MYO9B: variants seen among roughly 807,000 people sequenced by gnomAD.
MYO9B encodes myosin IXB, also known as unconventional myosin-IXb.
MYO9B carries 71 observed loss-of-function variants against 229.5 expected under a neutral mutation model. The observed-to-expected ratio is 0.31, with a 90% CI of 0.26 to 0.38. The LOEUF is 0.38. Among genes scored for constraint, MYO9B ranks in the 10% least tolerant of loss-of-function variants. The pLI, the probability that MYO9B is intolerant of heterozygous loss-of-function variation, is 1.00. For synonymous variants in MYO9B, 1,185 were observed against 1,235.8 expected (o/e 0.96, Z 0.86); for missense variants, 2,255 against 2,920.5 (o/e 0.77, Z 5.25).
chr19:17,208,633 A>C (rs571051785), intron 35 of MYO9B, among the ~76,000 whole-genome samples: 81 of 152,060 alleles, frequency 5.3e-4, no homozygotes, highest in African/African-American at 1.9e-3. Flanking sequence ...AGGTTTCACT[A>C]TGTTAGCCAG....
intron 10 of MYO9B, among the ~76,000 whole-genome samples, chr19:17,165,089 T>C (rs2072644655): frequency 1.3e-5 from 2 of 152,144 alleles, no homozygotes; most frequent in Admixed American, 1.3e-4. Flanking sequence ...AGGCTGGTCC[T>C]GAACTCCTGG....
chr19:17,172,814 G>A lies in MYO9B; in HGVS notation c.1991G>A (p.Arg664Gln), dbSNP rs772454469. ...YMRPDIVALL[R>Q]GSDSSYVREL... ...CGGCCAGACATCGTGGCCCTGCTGCGGGGCAGTGACAGCTCCTACGTGCGG... is the reference window on the plus strand; with the variant it reads ...CGGCCAGACATCGTGGCCCTGCTGCAGGGCAGTGACAGCTCCTACGTGCGG... The change falls in exon 13 of 40, where the codon CGG (arginine) becomes CAG (glutamine). Residue 664 changes from arginine to glutamine, a missense_variant. Physicochemically the swap from Arg to Gln is conservative, Grantham distance 43. This residue lies in a region of MYO9B where 220 missense variants were observed against 404.5 expected (regional missense o/e 0.54). Coordinates refer to ENST00000682292, the MANE Select transcript of MYO9B (RefSeq NM_004145.4). The surrounding 1 kb of genome is among the most constrained non-coding windows in gnomAD (Gnocchi z 8.2). 6 of 1,613,046 alleles carry A rather than the reference G, an allele frequency of 3.7e-6. No homozygotes were observed. Among genetic ancestry groups the A allele is most frequent in the South Asian group, 1.1e-5 (1 of 91,090 alleles).
intron 2 of MYO9B, among the ~76,000 whole-genome samples, chr19:17,136,544 T>C (rs1427785672): frequency 6.6e-6 from 1 of 152,032 alleles, no homozygotes; most frequent in Non-Finnish European, 1.5e-5. Context: ...ACATCAATGC[T>C]CCGCAGCCGG....
chr19:17,096,859 C>T (rs969882667), intron 1 of MYO9B, among the ~76,000 whole-genome samples: 4 of 151,392 alleles, frequency 2.6e-5, no homozygotes, highest in Non-Finnish European at 5.9e-5. Flanking sequence ...GCGCCCGCCA[C>T]TGCGCCCAGC....
At chr19:17,123,072 G>A (rs1599345937) in intron 2 of MYO9B, among the ~76,000 whole-genome samples, 1 of 152,210 alleles carries the variant, frequency 6.6e-6, no homozygotes, top group African/African-American at 2.4e-5. Flanking sequence ...GGGGGACAGA[G>A]CAAGATCCTG....
At chr19:17,129,405 C>A (rs1344754813) in intron 2 of MYO9B, among the ~76,000 whole-genome samples, 1 of 152,038 alleles carries the variant, frequency 6.6e-6, no homozygotes, top group Non-Finnish European at 1.5e-5. Flanking sequence ...GTTTCAACAA[C>A]AACAACAACA....
rs927341832 is a variant in MYO9B at position 17,194,489 on chromosome 19, G to A, written c.3129-67G>A. On this transcript the variant is annotated intron_variant, in intron 21 of 39. Coordinates refer to ENST00000682292, the MANE Select transcript of MYO9B (RefSeq NM_004145.4). The stretch of plus-strand genomic sequence containing the variant: ...CAGCCCGCAGGCTGGGGGTCCCATC[G>A]GAACTCAGTGGGAGGTGGAGGGAGT... 108 of 1,552,180 alleles carry A rather than the reference G, an allele frequency of 7.0e-5. 1 individual carries two copies. Among genetic ancestry groups the A allele is most frequent in the Middle Eastern group, 1.8e-4 (1 of 5,690 alleles).
Position 17,192,870 on chromosome 19 carries a change from T to G in MYO9B, c.2936T>G (p.Met979Arg). The change falls in exon 21 of 40, where the codon ATG (methionine) becomes AGG (arginine). Residue 979 changes from methionine (M) to arginine (R), a missense_variant. Around this residue, in one of 7 missense-constraint regions of MYO9B, gnomAD observed 679 missense variants for 770.2 expected, o/e 0.88. Transcript: ENST00000682292. ...MVLERRHFLQ[M>R]KRAAVTIQAC... is the part of the protein sequence containing the mutation. ...CTGGAGCGTCGGCACTTCCTGCAGA[T>G]GAAGCGGGCCGCCGTCACCATCCAG... The G allele has an allele frequency of 6.4e-7, 1 of 1,550,628 alleles. No homozygotes were observed. The highest frequency in any genetic ancestry group is 8.7e-7 in the Non-Finnish European group (1 of 1,147,236).
At chr19:17,204,371 G>C (rs2073138119) in intron 30 of MYO9B, among the ~76,000 whole-genome samples, 1 of 148,760 alleles carries the variant, frequency 6.7e-6, no homozygotes. Flanking sequence ...CTTTAGTTCT[G>C]CCAGTAGGTG....
chr19:17,195,084 A>G lies in MYO9B; in HGVS notation c.3657A>G (p.Thr1219=). ...AGAACACATCTCAAAAGCAGCCCAC[A>G]GAGCAACCCCAGGCCATGGCAGTTG... The part of the protein sequence containing the change: ...EAENTSQKQP[T]EQPQAMAVGK... The change falls in exon 22 of 40, where the codon ACA becomes ACG. Residue 1219 remains threonine (T), a synonymous_variant. Coordinates refer to ENST00000682292, the MANE Select transcript of MYO9B (RefSeq NM_004145.4). The surrounding 1 kb of genome is among the most constrained non-coding windows in gnomAD (Gnocchi z 4.5). 1 of 1,612,992 alleles carries G rather than the reference A, an allele frequency of 6.2e-7. No homozygotes were observed. Among genetic ancestry groups the G allele is most frequent in the Non-Finnish European group, 8.5e-7 (1 of 1,179,868 alleles).
chr19:17,089,003 A>G (rs2057611190), intron 1 of MYO9B, among the ~76,000 whole-genome samples: 1 of 152,168 alleles, frequency 6.6e-6, no homozygotes, highest in Admixed American at 6.6e-5. Flanking sequence ...GAAATGCCCC[A>G]AAAGAGCTTA....
intron 2 of MYO9B, among the ~76,000 whole-genome samples, chr19:17,107,108 T>C (rs1398108799): frequency 6.6e-6 from 1 of 151,980 alleles, no homozygotes; most frequent in Non-Finnish European, 1.5e-5. Context: ...TGGCAGTGCA[T>C]GCCTGTGGTC....
chr19:17,211,670 C>T lies in MYO9B; in HGVS notation c.5954C>T (p.Pro1985Leu), dbSNP rs769124905. Residue 1985 changes from proline to leucine, a missense_variant, in exon 39 of 40, where the codon CCG becomes CTG. By Grantham distance (98) the Pro-to-Leu change is moderately conservative. Transcript: ENST00000682292. Reference sequence around the variant, plus strand: ...AGGGAGGACATCACCTACCGGCTGCCGGAGCTGGACCCAAGGGGCTCGGAC... The same window carrying T: ...AGGGAGGACATCACCTACCGGCTGCTGGAGCTGGACCCAAGGGGCTCGGAC... ...EEKEDITYRL[P>L]ELDPRGSDEE... 3 of 1,607,602 alleles carry T rather than the reference C, an allele frequency of 1.9e-6. No individual in the cohort carries two copies. Among genetic ancestry groups the T allele is most frequent in the Non-Finnish European group, 2.5e-6 (3 of 1,177,540 alleles).
intron 22 of MYO9B, among the ~76,000 whole-genome samples, chr19:17,197,453 T>TAGATAGATAGATAGACAGATACAC (rs1568297871): frequency 2.0e-5 from 3 of 151,812 alleles, no homozygotes; most frequent in African/African-American, 7.3e-5. Context: ...GATAGATACA[T>TAGATAGATAGATAGACAGATACAC]AGATAGATAG....
intron 3 of MYO9B, among the ~76,000 whole-genome samples, chr19:17,151,804 G>A (rs969675576): frequency 1.3e-5 from 2 of 152,112 alleles, no homozygotes; most frequent in African/African-American, 4.8e-5. Flanking sequence ...AGGTTGAGGT[G>A]GGAAGATCAC....
At chr19:17,206,225 G>GTGGGGCCCCCCCCCCCC in intron 32 of MYO9B, 23 bp from the exon 33 acceptor site, 1 of 1,564,656 alleles carries the variant, frequency 6.4e-7, no homozygotes, top group Non-Finnish European at 8.7e-7. Context: ...CCGCTCACCA[G>GTGGGGCCCCCCCCCCCC]ACCCACCCCA....
At chr19:17,194,461 C>A in intron 21 of MYO9B, 95 bp from the exon 22 acceptor site, 1 of 1,412,188 alleles carries the variant, frequency 7.1e-7, no homozygotes, top group Non-Finnish European at 9.7e-7. Flanking sequence ...GAAGCCCCGT[C>A]TGCAGCCCGC....
chr19:17,204,958 C>T (rs947345168), intron 30 of MYO9B, among the ~76,000 whole-genome samples: 3 of 152,040 alleles, frequency 2.0e-5, no homozygotes, highest in African/African-American at 7.2e-5. Flanking sequence ...TCGAGACCAG[C>T]CTGACCAGCA....
chr19:17,178,406 C>A, intron 14 of MYO9B: 1 of 151,262 alleles, frequency 6.6e-6, no homozygotes, highest in South Asian at 2.0e-4. Context: ...AGTTTGAAAC[C>A]AGCCTGGGCA....
Sources: allele counts gnomAD v4.1 joint callset (sites outside exome capture counted in the v4.1 genomes callset), GRCh38; gene constraint gnomAD v4.1.1; regional missense constraint gnomAD v4.1.1; non-coding constraint Gnocchi (gnomAD v3.1); transcripts MANE v1.5; gene names NCBI Gene and HGNC (gene_info 2026-07-23, HGNC 2026-07-21).